LINGO2: variants seen among roughly 807,000 people sequenced by gnomAD.
LINGO2 encodes leucine rich repeat and Ig domain containing 2, also known as leucine-rich repeat and immunoglobulin-like domain-containing nogo receptor-interacting protein 2.
In LINGO2, 14 loss-of-function variants were observed where a neutral mutation model predicts 30.6. The observed-to-expected ratio is 0.46, with a 90% CI of 0.30 to 0.72. The LOEUF is 0.72. LINGO2 is among the 30% of genes least tolerant of loss of function. LINGO2 has a pLI of 0.07. For synonymous variants in LINGO2, 317 were observed against 288.5 expected (o/e 1.10, Z -1.00); for missense variants, 729 against 751.7 (o/e 0.97, Z 0.35).
At chr9:27,953,210 T>G (rs1587522114) in intron 5 of LINGO2, among the ~76,000 whole-genome samples, 3 of 152,122 alleles carry the variant, frequency 2.0e-5, no homozygotes, top group African/African-American at 7.2e-5. Context: ...GAATAAAAAC[T>G]GGACATTAAT....
At chr9:29,170,645 C>T in the LINGO2 span, among the ~76,000 whole-genome samples, 4 of 151,906 alleles carry the variant, frequency 2.6e-5, no homozygotes, top group African/African-American at 9.7e-5. Flanking sequence ...AGTTTAAAGA[C>T]ATCATGTAGA....
chr9:28,524,477 G>T (rs545447112), intron 1 of LINGO2, among the ~76,000 whole-genome samples: 8 of 152,136 alleles, frequency 5.3e-5, no homozygotes, highest in Non-Finnish European at 1.2e-4. Context: ...AGGAAGGGCC[G>T]GGCGTGGTGG....
At chr9:28,186,158 G>T (rs1819534739) in intron 4 of LINGO2, among the ~76,000 whole-genome samples, 2 of 152,098 alleles carry the variant, frequency 1.3e-5, no homozygotes, top group Non-Finnish European at 2.9e-5. Context: ...GGTACAATTT[G>T]ACTTTTGACA....
At chr9:28,248,030 A>G (rs118085831) in intron 4 of LINGO2, among the ~76,000 whole-genome samples, 3,684 of 152,310 alleles carry the variant, frequency 0.024, 97 homozygotes, top group East Asian at 0.12. Context: ...TGGTACAACC[A>G]CTATGGTGAA....
At chr9:28,880,413 C>T in the LINGO2 span, among the ~76,000 whole-genome samples, 1 of 152,152 alleles carries the variant, frequency 6.6e-6, no homozygotes, top group Non-Finnish European at 1.5e-5. Flanking sequence ...TGATCTAGGG[C>T]TGTGCAGGAT....
intron 1 of LINGO2, among the ~76,000 whole-genome samples, chr9:28,655,799 C>T (rs1455992364): frequency 2.0e-5 from 3 of 152,218 alleles, no homozygotes; most frequent in African/African-American, 7.2e-5. Flanking sequence ...TCTCTTCCTC[C>T]ATGATTGTAA....
intron 4 of LINGO2, among the ~76,000 whole-genome samples, chr9:28,023,431 C>A (rs1823231495): frequency 1.3e-5 from 2 of 152,212 alleles, no homozygotes; most frequent in African/African-American, 2.4e-5. Flanking sequence ...CTATGCCTGG[C>A]AGTTCTTTCA....
At chr9:28,486,757 C>A (rs955569366) in intron 1 of LINGO2, among the ~76,000 whole-genome samples, 1 of 151,950 alleles carries the variant, frequency 6.6e-6, no homozygotes, top group African/African-American at 2.4e-5. Flanking sequence ...TGAAACACAA[C>A]CTCATGTTCC....
chr9:28,924,627 A>G, the LINGO2 span, among the ~76,000 whole-genome samples: 1 of 152,324 alleles, frequency 6.6e-6, no homozygotes, highest in South Asian at 2.1e-4. Flanking sequence ...CAGTTGTCCC[A>G]ACTATAGATG....
chr9:27,970,094 T>C (rs1820282369), intron 5 of LINGO2, among the ~76,000 whole-genome samples: 1 of 152,218 alleles, frequency 6.6e-6, no homozygotes, highest in Non-Finnish European at 1.5e-5. Flanking sequence ...GTGGGTACAT[T>C]TGTATCTGCT....
At chr9:29,097,717 G>A in the LINGO2 span, among the ~76,000 whole-genome samples, 1 of 138,044 alleles carries the variant, frequency 7.2e-6, no homozygotes, top group Admixed American at 7.4e-5. Flanking sequence ...AGAATCGCTT[G>A]GTAGTATTTA....
the LINGO2 span, among the ~76,000 whole-genome samples, chr9:29,129,538 T>C: frequency 1.3e-5 from 2 of 152,116 alleles, no homozygotes; most frequent in Admixed American, 1.3e-4. Flanking sequence ...TCTGAGATTC[T>C]TGCTTTTTAG....
At chr9:28,763,071 T>G in the LINGO2 span, among the ~76,000 whole-genome samples, 2 of 152,058 alleles carry the variant, frequency 1.3e-5, no homozygotes, top group African/African-American at 4.8e-5. Flanking sequence ...AATATGAAAC[T>G]TTGCTAGCCT....
Position 28,401,888 on chromosome 9 carries a change from G to A in LINGO2, c.-278-29020C>T, listed in dbSNP as rs1822282670. ...GATTCGTATTTCTTTGATGATCAGTGATGTTGAGCTTTTTTTCATATATCT... is the reference window on the plus strand; with the variant it reads ...GATTCGTATTTCTTTGATGATCAGTAATGTTGAGCTTTTTTTCATATATCT... On this transcript the variant is annotated intron_variant, in intron 2 of 5. Transcript: ENST00000379992. Among the ~76,000 whole-genome samples the A allele has an allele frequency of 2.0e-5, 3 of 152,250 alleles. No homozygotes were observed. The South Asian group carries it at 6.2e-4, about 32-fold the overall frequency.
At chr9:28,218,610 CT>C (rs1454426310) in intron 4 of LINGO2, among the ~76,000 whole-genome samples, 1 of 152,114 alleles carries the variant, frequency 6.6e-6, no homozygotes, top group East Asian at 1.9e-4. Context: ...CTGCTCTGGA[CT>C]TTGAGTGGAG....
At chr9:29,201,853 A>C in the LINGO2 span, among the ~76,000 whole-genome samples, 1 of 151,970 alleles carries the variant, frequency 6.6e-6, no homozygotes, top group Admixed American at 6.6e-5. Flanking sequence ...TTTCACCCCT[A>C]TTTTACATAT....
At chr9:29,071,200 T>TATTGC in the LINGO2 span, among the ~76,000 whole-genome samples, 1 of 148,522 alleles carries the variant, frequency 6.7e-6, no homozygotes, top group Non-Finnish European at 1.5e-5. Context: ...TATTGTATTG[T>TATTGC]ATTTTTTAGA....
At chr9:29,162,692 T>C in the LINGO2 span, among the ~76,000 whole-genome samples, 3 of 152,148 alleles carry the variant, frequency 2.0e-5, no homozygotes, top group African/African-American at 7.2e-5. Context: ...TCAAACTAAA[T>C]ATTGTTTGTG....
At chr9:28,552,379 C>G (rs1822339493) in intron 1 of LINGO2, among the ~76,000 whole-genome samples, 1 of 152,076 alleles carries the variant, frequency 6.6e-6, no homozygotes, top group Non-Finnish European at 1.5e-5. Flanking sequence ...TACTTTGTTG[C>G]ATACTTAGCC....
Sources: allele counts gnomAD v4.1 joint callset (sites outside exome capture counted in the v4.1 genomes callset), GRCh38; gene constraint gnomAD v4.1.1; transcripts MANE v1.5; gene names NCBI Gene and HGNC (gene_info 2026-07-23, HGNC 2026-07-21).